The following AVL9 variants were observed in gnomAD, a reference collection of about 807,000 sequenced individuals.
AVL9 encodes the protein late secretory pathway protein AVL9 homolog.
Under a neutral mutation model 79.2 loss-of-function variants are expected in AVL9, and 49 were observed. The ratio of observed to expected loss-of-function variants is 0.62; its 90% CI spans 0.49 to 0.79. The LOEUF is 0.79. Among genes scored for constraint, AVL9 ranks in the 30% least tolerant of loss-of-function variants. The probability of loss-of-function intolerance (pLI) is 0.00; values close to 1 mark genes in which losing one functional copy is unlikely to be tolerated. For missense variants in AVL9, 682 were observed against 776.8 expected (o/e 0.88, Z 1.45); for synonymous variants, 299 against 280.6 (o/e 1.07, Z -0.65).
At position 32,583,816 on chromosome 7, in the gene AVL9, C is replaced by G. The variant is rs774587378; in HGVS notation, c.1856C>G (p.Ser619Cys). ...AVGQSVGGAFSSAKTAMSSWL... is the reference protein window; with the variant it reads ...AVGQSVGGAFCSAKTAMSSWL... ...GGCCAGTCAGTTGGAGGAGCTTTTT[C>G]CAGTGCAAAGACAGCTATGTCTTCA... is the stretch of plus-strand genomic sequence containing the variant. Residue 619 changes from serine to cysteine, a missense_variant, in exon 16 of 16, where the codon TCC (serine) becomes TGC (cysteine). Coordinates refer to ENST00000318709, the MANE Select transcript of AVL9 (RefSeq NM_015060.3). 6.2e-7 allele frequency: 1 copy of G among 1,613,734 alleles called. No individual in the cohort carries two copies. Among genetic ancestry groups the G allele is most frequent in the Non-Finnish European group, 8.5e-7 (1 of 1,179,816 alleles).
Position 32,543,913 on chromosome 7 carries a change from CT to C in AVL9, c.214+664del, listed in dbSNP as rs761679080. On this transcript the variant is annotated intron_variant, in intron 2 of 15. Coordinates refer to ENST00000318709, the MANE Select transcript of AVL9 (RefSeq NM_015060.3). ...ATTGATTTTCTTTCTTTCTTTCTTT[CT>C]TTTTTTTTTTTGGAGATGGAATCTC... is the stretch of plus-strand genomic sequence containing the variant. Among the ~76,000 whole-genome samples, 34 of 68,652 alleles carry C rather than the reference CT, an allele frequency of 5.0e-4. 1 individual carries two copies. Among genetic ancestry groups the C allele is most frequent in the Middle Eastern group, 6.4e-3 (1 of 156 alleles). 45.0% of individuals were successfully genotyped at this position (68,652 alleles called of 152,430 possible). A position where few individuals can be genotyped will look rare whatever the true frequency, so the allele number is the denominator to read the frequency against.
chr7:32,544,378 T>C (rs1272772158), intron 2 of AVL9, among the ~76,000 whole-genome samples: 1 of 152,244 alleles, frequency 6.6e-6, no homozygotes, highest in Non-Finnish European at 1.5e-5. Context: ...CGTGTGTTGC[T>C]GTTGGCTTTT....
At position 32,554,600 on chromosome 7, in the gene AVL9, C is replaced by A; in HGVS notation, c.609+4C>A. 6.7e-7 allele frequency: 1 copy of A among 1,502,122 alleles called. No homozygotes were observed. The highest frequency in any genetic ancestry group is 9.0e-7 in the Non-Finnish European group (1 of 1,109,762). The allele number at this position is 1,502,122 out of a possible 1,614,324, so 93.0% of individuals were successfully genotyped here. A position where few individuals can be genotyped will look rare whatever the true frequency, so the allele number is the denominator to read the frequency against. ...GCTAATTCTTCTTGAAAAAAAGGTA[C>A]GATCCTAAGGGATGAAAGGAAAGAT... On this transcript the variant is annotated splice_donor_region_variant and intron_variant, in intron 8 of 15. Transcript: ENST00000318709.
chr7:32,557,259 C>T (rs988531121), intron 8 of AVL9, among the ~76,000 whole-genome samples: 8 of 151,934 alleles, frequency 5.3e-5, no homozygotes, highest in African/African-American at 1.7e-4. Flanking sequence ...CGCTGTGTTG[C>T]GCAGGCTGGT....
chr7:32,513,971 TA>T lies in AVL9; in HGVS notation c.93+18174del, dbSNP rs563864734. ...ACTTTACATAAACATTTCAGTGCAG[TA>T]AAAAGTAACAGAGCAGTATTGCCAC... On this transcript the variant is annotated intron_variant, in intron 1 of 15. Transcript: ENST00000318709. 5.3e-5 allele frequency among the ~76,000 whole-genome samples: 8 copies of T among 152,276 alleles called. No individual in the cohort carries two copies. The South Asian group carries it at 1.7e-3, about 32-fold the overall frequency.
chr7:32,550,318 G>GAGA (rs199785785), intron 4 of AVL9, among the ~76,000 whole-genome samples: 1,763 of 151,878 alleles, frequency 0.012, 34 homozygotes, highest in African/African-American at 0.04. Flanking sequence ...GCATATCTCA[G>GAGA]AAAAAATGTG....
chr7:32,507,774 A>G (rs1211392309), intron 1 of AVL9, among the ~76,000 whole-genome samples: 6 of 152,204 alleles, frequency 3.9e-5, no homozygotes, highest in African/African-American at 1.4e-4. Flanking sequence ...AGTGGAATTG[A>G]TGGATTATAG....
chr7:32,509,586 C>T (rs1002771081), intron 1 of AVL9, among the ~76,000 whole-genome samples: 2 of 152,304 alleles, frequency 1.3e-5, no homozygotes, highest in South Asian at 4.1e-4. Context: ...GCTGACTAGA[C>T]AGGAGAGGAA....
At chr7:32,567,075 ATTCTC>A (rs1331559333) in intron 10 of AVL9, among the ~76,000 whole-genome samples, 1 of 152,142 alleles carries the variant, frequency 6.6e-6, no homozygotes. Context: ...TTAATTTATA[ATTCTC>A]TTAAGTTTCA....
intron 11 of AVL9, among the ~76,000 whole-genome samples, chr7:32,571,452 C>T (rs571948208): frequency 2.3e-4 from 35 of 151,286 alleles, no homozygotes; most frequent in African/African-American, 6.5e-4. Flanking sequence ...CGCTTGAACC[C>T]GGGTGGTAGA....
chr7:32,558,801 TTTG>T (rs1790197413), intron 9 of AVL9, 125 bp from the exon 10 acceptor site: 2 of 1,073,494 alleles, frequency 1.9e-6, no homozygotes, highest in Non-Finnish European at 2.6e-6. Flanking sequence ...TTCTGTTCTT[TTTG>T]TTTTTAATTA....
At chr7:32,522,423 A>G (rs1030235062) in intron 1 of AVL9, among the ~76,000 whole-genome samples, 1 of 152,158 alleles carries the variant, frequency 6.6e-6, no homozygotes, top group Admixed American at 6.5e-5. Flanking sequence ...TGGAGCTTTA[A>G]CATTTGACTG....
intron 1 of AVL9, among the ~76,000 whole-genome samples, chr7:32,520,185 C>G (rs1446431798): frequency 6.6e-6 from 1 of 152,106 alleles, no homozygotes; most frequent in East Asian, 1.9e-4. Flanking sequence ...ACCTCCAAGA[C>G]CTGTGGTTAC....
chr7:32,555,637 C>T (rs1472234361), intron 8 of AVL9, among the ~76,000 whole-genome samples: 2 of 152,192 alleles, frequency 1.3e-5, no homozygotes, highest in African/African-American at 4.8e-5. Context: ...GTAGTTGTGA[C>T]AGACCATATG....
chr7:32,545,187 G>T (rs1206687771), intron 3 of AVL9, among the ~76,000 whole-genome samples: 10 of 151,102 alleles, frequency 6.6e-5, no homozygotes, highest in African/African-American at 1.9e-4. Context: ...TGCCCAGGCT[G>T]GTTTTGAACT....
intron 10 of AVL9, among the ~76,000 whole-genome samples, chr7:32,567,234 TGGGA>T (rs1790623384): frequency 6.6e-6 from 1 of 152,118 alleles, no homozygotes; most frequent in African/African-American, 2.4e-5. Context: ...CCTGAGTAGC[TGGGA>T]CCACAGATGC....
At chr7:32,501,152 AG>A (rs1787112268) in intron 1 of AVL9, among the ~76,000 whole-genome samples, 2 of 152,194 alleles carry the variant, frequency 1.3e-5, no homozygotes. Context: ...GGTTGATATT[AG>A]GGGGATTGTT....
chr7:32,499,146 A>G (rs746859698), intron 1 of AVL9, among the ~76,000 whole-genome samples: 8 of 152,046 alleles, frequency 5.3e-5, no homozygotes, highest in Admixed American at 3.9e-4. Flanking sequence ...CTGGGCGACA[A>G]TGAGTCCCTG....
In AVL9 at chr7:32,544,631, T is replaced by C. The variant is rs113262293; in HGVS notation, c.215-63T>C. The C allele has an allele frequency of 5.2e-6, 6 of 1,144,664 alleles. No individual in the cohort carries two copies. In the African/African-American group the frequency reaches 6.1e-5, roughly 12 times the overall value. 70.9% of individuals were successfully genotyped at this position (1,144,664 alleles called of 1,614,324 possible). ...ATGACTGCATTATGATAGCTTCAGATTATACTACTTATTAATAAGGGTAAT... is the reference window on the plus strand; with the variant it reads ...ATGACTGCATTATGATAGCTTCAGACTATACTACTTATTAATAAGGGTAAT... On this transcript the variant is annotated intron_variant, in intron 2 of 15. Transcript: ENST00000318709.
Sources: allele counts gnomAD v4.1 joint callset (sites outside exome capture counted in the v4.1 genomes callset), GRCh38; gene constraint gnomAD v4.1.1; transcripts MANE v1.5; gene names NCBI Gene and HGNC (gene_info 2026-07-23, HGNC 2026-07-21).